The following RHOU variants were observed in gnomAD, a reference collection of about 807,000 sequenced individuals.
RHOU encodes ras homolog family member U, also known as rho-related GTP-binding protein RhoU.
Under a neutral mutation model 12.6 loss-of-function variants are expected in RHOU, and 8 were observed. The ratio of observed to expected loss-of-function variants is 0.64; its 90% CI spans 0.37 to 1.15. The LOEUF is 1.15. Among genes scored for constraint, RHOU ranks in the 50% most tolerant of loss-of-function variants. The pLI, the probability that RHOU is intolerant of heterozygous loss-of-function variation, is 0.01. For synonymous variants in RHOU, 161 were observed against 147.4 expected, an observed-to-expected ratio of 1.09 and a Z score of -0.67; for missense variants, 258 against 347.0, an observed-to-expected ratio of 0.74 and a Z score of 2.04.
At chr1:228,682,508 G>A in the RHOU span, among the ~76,000 whole-genome samples, 1 of 152,172 alleles carries the variant, frequency 6.6e-6, no homozygotes, top group Non-Finnish European at 1.5e-5. Context: ...GGGATAGGCG[G>A]TGGAGTTAGG....
chr1:228,669,357 G>A, the RHOU span, among the ~76,000 whole-genome samples: 1 of 152,146 alleles, frequency 6.6e-6, no homozygotes, highest in East Asian at 1.9e-4. Context: ...TTGCCTGGGT[G>A]ATGCTGAGCC....
chr1:228,731,986 T>C (rs1662508922), upstream of RHOU, among the ~76,000 whole-genome samples: 1 of 152,242 alleles, frequency 6.6e-6, no homozygotes, highest in African/African-American at 2.4e-5. Flanking sequence ...GACATGGTTT[T>C]CTATTAATAG....
chr1:228,661,740 A>G, the RHOU span, among the ~76,000 whole-genome samples: 2 of 152,220 alleles, frequency 1.3e-5, no homozygotes, highest in Non-Finnish European at 2.9e-5. Context: ...AAGAAAACCT[A>G]GGCAATACCA....
At chr1:228,736,412 G>A (rs553149036) in intron 1 of RHOU, among the ~76,000 whole-genome samples, 1 of 152,306 alleles carries the variant, frequency 6.6e-6, no homozygotes, top group East Asian at 1.9e-4. Context: ...CAATCAGAAG[G>A]TGACGCGCAG....
chr1:228,673,397 C>A, the RHOU span, among the ~76,000 whole-genome samples: 7 of 152,218 alleles, frequency 4.6e-5, no homozygotes, highest in East Asian at 1.9e-4. Flanking sequence ...CTTGAATATA[C>A]CCCAATTAAT....
At chr1:228,677,300 G>C in the RHOU span, among the ~76,000 whole-genome samples, 1 of 152,166 alleles carries the variant, frequency 6.6e-6, no homozygotes, top group African/African-American at 2.4e-5. Context: ...ATAAGAGAAA[G>C]AGAAAAACAG....
rs768613718 is a variant in RHOU at position 228,743,487 on chromosome 1, T to G, written c.524T>G (p.Leu175Trp). 1 of 1,614,154 alleles carries G rather than the reference T, an allele frequency of 6.2e-7. No individual in the cohort carries two copies. The highest frequency in any genetic ancestry group is 8.5e-7 in the Non-Finnish European group (1 of 1,180,040). Residue 175 changes from leucine to tryptophan, a missense_variant, in exon 3 of 3, where the codon TTG becomes TGG. Leu to Trp is a moderately conservative substitution (Grantham distance 61, BLOSUM62 -2). Transcript: ENST00000366691. This position sits in a 1 kb window ranked among gnomAD's most constrained non-coding sequence, Gnocchi z 5.1. ...GAAGATGTCAAAGTCCTCATTGAGTTGGACAAATGCAAAGAAAAGCCAGTG... is the reference window on the plus strand; with the variant it reads ...GAAGATGTCAAAGTCCTCATTGAGTGGGACAAATGCAAAGAAAAGCCAGTG... The part of the protein sequence containing the change: ...LREDVKVLIE[L>W]DKCKEKPVPE...
In RHOU at chr1:228,743,317, C is replaced by T. The variant is rs1482779728; in HGVS notation, c.354C>T (p.Tyr118=). 5.0e-6 allele frequency: 8 copies of T among 1,614,200 alleles called. 1 individual carries two copies. The highest frequency in any genetic ancestry group is 1.6e-4 in the Middle Eastern group (1 of 6,062). ...TTGACAAGCTGAGGCCTCTCTGCTACACCAACACAGACATCTTCCTGCTCT... is the reference window on the plus strand; with the variant it reads ...TTGACAAGCTGAGGCCTCTCTGCTATACCAACACAGACATCTTCCTGCTCT... ...DEFDKLRPLC[Y]TNTDIFLLCF... Residue 118 remains tyrosine, a synonymous_variant, in exon 3 of 3, where the codon TAC becomes TAT. Coordinates refer to ENST00000366691, the MANE Select transcript of RHOU (RefSeq NM_021205.6). This position sits in a 1 kb window ranked among gnomAD's most constrained non-coding sequence, Gnocchi z 5.1.
chr1:228,717,658 T>A, the RHOU span, among the ~76,000 whole-genome samples: 1 of 152,222 alleles, frequency 6.6e-6, no homozygotes, highest in Non-Finnish European at 1.5e-5. Context: ...CTCTCTGACA[T>A]CTTGATGTAG....
chr1:228,728,863 C>T, the RHOU span, among the ~76,000 whole-genome samples: 1 of 151,910 alleles, frequency 6.6e-6, no homozygotes, highest in Admixed American at 6.6e-5. Context: ...ACTCTGACAT[C>T]TAGCACTGAT....
At chr1:228,650,616 G>T in the RHOU span, 1 of 446,884 alleles carries the variant, frequency 2.2e-6, no homozygotes, top group Non-Finnish European at 4.4e-6. Context: ...TCCTCAAAGG[G>T]GGATATGAGA....
Position 228,746,475 on chromosome 1 carries a change from C to G in RHOU, c.*2735C>G, listed in dbSNP as rs1662836108. 6.6e-6 allele frequency: 1 copy of G among 152,182 alleles called. No homozygotes were observed. Among genetic ancestry groups the G allele is most frequent in the South Asian group, 2.1e-4 (1 of 4,826 alleles). 9.4% of individuals were successfully genotyped at this position (152,182 alleles called of 1,614,324 possible). ...TTTTATAACCTTGTTCTCTGCTTGA[C>G]AGACTCAAGAGAAACTACCCAGGTA... is the stretch of plus-strand genomic sequence containing the variant. On this transcript the variant is annotated 3_prime_UTR_variant, in exon 3 of 3. Coordinates refer to ENST00000366691, the MANE Select transcript of RHOU (RefSeq NM_021205.6).
chr1:228,691,590 C>T, the RHOU span, among the ~76,000 whole-genome samples: 8 of 152,170 alleles, frequency 5.3e-5, no homozygotes, highest in Admixed American at 5.2e-4. Flanking sequence ...TAGCTTATTT[C>T]CTTTTAGTGA....
chr1:228,682,538 G>A, the RHOU span, among the ~76,000 whole-genome samples: 2 of 152,082 alleles, frequency 1.3e-5, no homozygotes, highest in African/African-American at 4.8e-5. Context: ...TTCCAGGCAG[G>A]GGGTGGATCT....
the RHOU span, among the ~76,000 whole-genome samples, chr1:228,657,014 G>A: frequency 2.0e-5 from 3 of 152,028 alleles, no homozygotes; most frequent in Non-Finnish European, 4.4e-5. Context: ...GGTGGCTCAC[G>A]CCTGTAATCC....
chr1:228,653,582 G>A, the RHOU span, among the ~76,000 whole-genome samples: 1 of 152,122 alleles, frequency 6.6e-6, no homozygotes, highest in Non-Finnish European at 1.5e-5. Flanking sequence ...GCCTCCCAAA[G>A]TGCTGAGATT....
the RHOU span, among the ~76,000 whole-genome samples, chr1:228,673,236 C>A: frequency 6.6e-6 from 1 of 152,172 alleles, no homozygotes; most frequent in African/African-American, 2.4e-5. Flanking sequence ...AATCTAACTC[C>A]TTAAACCACA....
the RHOU span, among the ~76,000 whole-genome samples, chr1:228,655,977 T>A: frequency 1.3e-5 from 2 of 152,330 alleles, no homozygotes; most frequent in South Asian, 4.1e-4. Context: ...AAGACATCTG[T>A]CCAGCAACTG....
At chr1:228,647,104 C>T in the RHOU span, among the ~76,000 whole-genome samples, 1 of 152,180 alleles carries the variant, frequency 6.6e-6, no homozygotes, top group African/African-American at 2.4e-5. Context: ...CGGTAGGCAG[C>T]CCCCTTTTGA....
Sources: gnomAD v4.1 joint callset for allele counts (sites outside exome capture counted in the v4.1 genomes callset) on GRCh38, gnomAD v4.1.1 for gene constraint, Gnocchi (gnomAD v3.1) non-coding constraint, MANE v1.5 for transcripts, NCBI Gene and HGNC (gene_info 2026-07-23, HGNC 2026-07-21) for gene names.